KCNB2: variants seen among roughly 807,000 people sequenced by gnomAD.
KCNB2 encodes the protein potassium voltage-gated channel subfamily B member 2, also known as delayed rectifier potassium channel protein.
Under a neutral mutation model 61.5 loss-of-function variants are expected in KCNB2, and 15 were observed. The observed-to-expected ratio is 0.24, with a 90% confidence interval of 0.16 to 0.38. The LOEUF (loss-of-function observed/expected upper bound fraction) is 0.38. Among genes scored for constraint, KCNB2 ranks in the 10% least tolerant of loss-of-function variants. The probability of loss-of-function intolerance (pLI) is 1.00; values close to 1 mark genes in which losing one functional copy is unlikely to be tolerated. For missense variants in KCNB2, 828 were observed against 1,125.2 expected (o/e 0.74, Z 3.78); for synonymous variants, 457 against 446.0 (o/e 1.02, Z -0.31).
rs573917348 is a variant in KCNB2, at chr8:72,583,594, C to T, written c.579+15281C>T. The stretch of plus-strand genomic sequence containing the variant: ...TCTTAGCAGGGCTTTTGCCTTTTTT[C>T]CCTGAAAGATCATGGGAAGCCTGGG... On this transcript the variant is annotated intron_variant, in intron 2 of 2. Coordinates refer to ENST00000523207, the MANE Select transcript of KCNB2 (RefSeq NM_004770.3). Among the ~76,000 whole-genome samples, 34 of 152,196 alleles carry T rather than the reference C, an allele frequency of 2.2e-4. No homozygotes were observed. In the South Asian group the frequency reaches 5.6e-3, roughly 25 times the overall value.
At chr8:72,925,610 T>C (rs996160317) in intron 2 of KCNB2, among the ~76,000 whole-genome samples, 6 of 152,026 alleles carry the variant, frequency 3.9e-5, no homozygotes, top group African/African-American at 4.8e-5. Context: ...GCTGGCGAAA[T>C]TGTGGAGAAA....
intron 2 of KCNB2, among the ~76,000 whole-genome samples, chr8:72,695,394 C>T (rs1807002909): frequency 6.6e-6 from 1 of 152,118 alleles, no homozygotes; most frequent in African/African-American, 2.4e-5. Flanking sequence ...AATAAAATAT[C>T]TTCTTCAAAA....
chr8:72,629,547 C>T (rs1290008152), intron 2 of KCNB2, among the ~76,000 whole-genome samples: 1 of 152,176 alleles, frequency 6.6e-6, no homozygotes, highest in Non-Finnish European at 1.5e-5. Context: ...TGATGACTGG[C>T]GTGGCTGGGA....
intron 2 of KCNB2, among the ~76,000 whole-genome samples, chr8:72,657,874 T>C (rs763462721): frequency 3.9e-5 from 6 of 152,104 alleles, no homozygotes; most frequent in Non-Finnish European, 8.8e-5. Context: ...ATTTTGGGGG[T>C]GACACAATTC....
chr8:72,808,524 G>T (rs141261840), intron 2 of KCNB2, among the ~76,000 whole-genome samples: 3 of 152,042 alleles, frequency 2.0e-5, no homozygotes, highest in Admixed American at 2.0e-4. Flanking sequence ...ATGTAATCTA[G>T]CCCCCATACA....
rs147918889 is a variant in KCNB2, at chr8:72,814,569, A to G, written c.580-121366A>G. 2.3e-3 allele frequency among the ~76,000 whole-genome samples: 353 copies of G among 152,352 alleles called. 3 individuals are homozygous for G. The highest frequency in any genetic ancestry group is 8.0e-3 in the African/African-American group (331 of 41,592). ...AATGAAAGTTAGTTTAGTGCTTTGTAAAACTTTGGCTAATTTTGATTAAAG... is the reference window on the plus strand; with the variant it reads ...AATGAAAGTTAGTTTAGTGCTTTGTGAAACTTTGGCTAATTTTGATTAAAG... On this transcript the variant is annotated intron_variant, in intron 2 of 2. Coordinates refer to ENST00000523207, the MANE Select transcript of KCNB2 (RefSeq NM_004770.3).
chr8:72,918,526 C>G (rs1044943278), intron 2 of KCNB2, among the ~76,000 whole-genome samples: 2 of 152,118 alleles, frequency 1.3e-5, no homozygotes, highest in African/African-American at 4.8e-5. Context: ...ATGAAAATAA[C>G]ACATATTCAA....
At chr8:72,619,498 G>A in intron 2 of KCNB2, 1 of 209,532 alleles carries the variant, frequency 4.8e-6, no homozygotes. Context: ...ATGAGATTTT[G>A]AGTATGGGTA....
intron 2 of KCNB2, among the ~76,000 whole-genome samples, chr8:72,867,644 G>T (rs1179089981): frequency 6.6e-6 from 1 of 152,172 alleles, no homozygotes; most frequent in African/African-American, 2.4e-5. Flanking sequence ...TATAACTAGT[G>T]AGTTGAGACA....
At chr8:72,671,711 G>A (rs1363971089) in intron 2 of KCNB2, among the ~76,000 whole-genome samples, 1 of 152,094 alleles carries the variant, frequency 6.6e-6, no homozygotes, top group Non-Finnish European at 1.5e-5. Flanking sequence ...TTGATTCTGA[G>A]CTTAGCCACA....
chr8:72,603,764 T>C (rs1805399300), intron 2 of KCNB2, among the ~76,000 whole-genome samples: 1 of 152,002 alleles, frequency 6.6e-6, no homozygotes, highest in African/African-American at 2.4e-5. Context: ...CACACTGGAG[T>C]AGGGTGGCCT....
At chr8:72,561,675 T>G (rs1328884804) in intron 1 of KCNB2, among the ~76,000 whole-genome samples, 1 of 124,464 alleles carries the variant, frequency 8.0e-6, no homozygotes, top group Non-Finnish European at 1.7e-5. Context: ...AGCTGAAAAT[T>G]TCCAGGATCT....
intron 2 of KCNB2, among the ~76,000 whole-genome samples, chr8:72,720,792 A>G (rs925286452): frequency 6.6e-6 from 1 of 152,202 alleles, no homozygotes; most frequent in Non-Finnish European, 1.5e-5. Flanking sequence ...ACTGCATGCC[A>G]CGGTACTCAA....
chr8:72,693,162 G>A (rs545469231), intron 2 of KCNB2, among the ~76,000 whole-genome samples: 1 of 152,142 alleles, frequency 6.6e-6, no homozygotes, highest in Admixed American at 6.5e-5. Context: ...ACCTTCTCTC[G>A]TTTGCTGCGG....
At chr8:72,841,119 T>G (rs1234474581) in intron 2 of KCNB2, among the ~76,000 whole-genome samples, 1 of 152,214 alleles carries the variant, frequency 6.6e-6, no homozygotes, top group Non-Finnish European at 1.5e-5. Flanking sequence ...GTTTTCTGCA[T>G]ATGGCTGGCC....
chr8:72,634,139 TG>T (rs570166557), intron 2 of KCNB2, among the ~76,000 whole-genome samples: 243 of 152,334 alleles, frequency 1.6e-3, no homozygotes, highest in Non-Finnish European at 2.6e-3. Flanking sequence ...TTGATCCAAA[TG>T]TAAGAAAACT....
intron 2 of KCNB2, among the ~76,000 whole-genome samples, chr8:72,842,619 A>G (rs1450414329): frequency 1.3e-5 from 2 of 152,078 alleles, no homozygotes; most frequent in Non-Finnish European, 2.9e-5. Context: ...AGAGCATGTT[A>G]TTGGTCTATT....
intron 2 of KCNB2, among the ~76,000 whole-genome samples, chr8:72,834,771 G>A (rs2129002109): frequency 6.6e-6 from 1 of 152,230 alleles, no homozygotes; most frequent in East Asian, 1.9e-4. Context: ...TTGTCCCAGT[G>A]ACATTTCAGG....
chr8:72,552,058 A>C (rs900521597), intron 1 of KCNB2, among the ~76,000 whole-genome samples: 3 of 151,980 alleles, frequency 2.0e-5, no homozygotes, highest in Admixed American at 6.6e-5. Context: ...CACTATTTAC[A>C]CTCATGAACT....
Sources: allele counts gnomAD v4.1 joint callset (sites outside exome capture counted in the v4.1 genomes callset), GRCh38; gene constraint gnomAD v4.1.1; transcripts MANE v1.5; gene names NCBI Gene and HGNC (gene_info 2026-07-23, HGNC 2026-07-21).